The following RNLS variants were observed in gnomAD, a reference collection of about 807,000 sequenced individuals.
The protein encoded by RNLS is renalase, FAD dependent amine oxidase, also known as renalase.
RNLS carries 39 observed loss-of-function variants against 39.8 expected under a neutral mutation model. The ratio of observed to expected loss-of-function variants is 0.98; its 90% confidence interval spans 0.76 to 1.28. The LOEUF (loss-of-function observed/expected upper bound fraction) is 1.28. Ranked by LOEUF, RNLS falls within the 50% of genes most tolerant of loss-of-function variation. The pLI is 0.00. For missense variants in RNLS, 410 were observed against 413.3 expected, an observed-to-expected ratio of 0.99 and a Z score of 0.07; for synonymous variants, 147 against 150.7, an observed-to-expected ratio of 0.98 and a Z score of 0.18.
intron 4 of RNLS, among the ~76,000 whole-genome samples, chr10:88,469,161 A>C (rs767298952): frequency 1.3e-5 from 2 of 152,322 alleles, no homozygotes; most frequent in Non-Finnish European, 1.5e-5. Context: ...ATGTATTGTC[A>C]TCTTTTCACT....
rs1187968038 is a variant in RNLS at position 88,314,511 on chromosome 10, C to T, written c.831G>A (p.Leu277=). 6.2e-7 allele frequency: 1 copy of T among 1,613,960 alleles called. No individual in the cohort carries two copies. The highest frequency in any genetic ancestry group is 8.5e-7 in the Non-Finnish European group (1 of 1,179,866). Residue 277 remains leucine (L), a synonymous_variant, in exon 6 of 7, where the codon TTG becomes TTA. Coordinates refer to ENST00000331772, the MANE Select transcript of RNLS (RefSeq NM_001031709.3). ...GGCATTTGGTAGCAATTGGCTGAGG[C>T]AAACCCGGCAAAATGTTTTCCAGCT... ...FQQLENILPG[L]PQPIATKCQK... is the part of the protein sequence containing the mutation.
intron 6 of RNLS, among the ~76,000 whole-genome samples, chr10:88,289,284 C>A (rs1843505587): frequency 6.6e-6 from 1 of 152,142 alleles, no homozygotes; most frequent in Non-Finnish European, 1.5e-5. Context: ...TAAAATCTCA[C>A]CTCGTGCCAC....
intron 4 of RNLS, among the ~76,000 whole-genome samples, chr10:88,399,237 T>C (rs1564767839): frequency 6.6e-6 from 1 of 151,968 alleles, no homozygotes; most frequent in African/African-American, 2.4e-5. Context: ...AAATTATACA[T>C]AGAGTTACCA....
chr10:88,193,631 C>G, the RNLS span, among the ~76,000 whole-genome samples: 2 of 152,184 alleles, frequency 1.3e-5, no homozygotes. Flanking sequence ...CCCATGCCTA[C>G]CTAGTCTCCC....
intron 4 of RNLS, among the ~76,000 whole-genome samples, chr10:88,418,109 G>A (rs1456840895): frequency 6.7e-6 from 1 of 148,864 alleles, no homozygotes; most frequent in Non-Finnish European, 1.5e-5. Flanking sequence ...AAATTCCTAG[G>A]TGGAGATGTA....
At chr10:88,574,316 C>T (rs530472193) in intron 3 of RNLS, among the ~76,000 whole-genome samples, 10 of 152,200 alleles carry the variant, frequency 6.6e-5, no homozygotes, top group African/African-American at 2.2e-4. Context: ...GAAAAAAGCA[C>T]ACTGAAAGAT....
chr10:88,280,140 T>G (rs1842958080), downstream of RNLS, among the ~76,000 whole-genome samples: 1 of 152,136 alleles, frequency 6.6e-6, no homozygotes, highest in Non-Finnish European at 1.5e-5. Context: ...ACATCATCAT[T>G]GTTATTATTT....
chr10:88,393,705 A>G (rs1393281881), intron 4 of RNLS, among the ~76,000 whole-genome samples: 2 of 152,188 alleles, frequency 1.3e-5, no homozygotes, highest in East Asian at 1.9e-4. Flanking sequence ...TAAAGTTCAT[A>G]TGGAACCAAA....
chr10:88,242,788 AAAT>A, the RNLS span, among the ~76,000 whole-genome samples: 1 of 152,152 alleles, frequency 6.6e-6, no homozygotes, highest in African/African-American at 2.4e-5. Context: ...TCTCTACTAA[AAAT>A]ACAAAATTAG....
chr10:88,412,283 A>G lies in RNLS; in HGVS notation c.527-49558T>C, dbSNP rs185306446. ...GGATCCTATTATTTTACTATGTGCC[A>G]GGTACCAGGCTTTAACTTCATAAAA... On this transcript the variant is annotated intron_variant, in intron 4 of 6. Transcript: ENST00000331772. Among the ~76,000 whole-genome samples, 364 of 152,256 alleles carry G rather than the reference A, an allele frequency of 2.4e-3. 1 individual carries two copies. Among genetic ancestry groups the G allele is most frequent in the Non-Finnish European group, 4.2e-3 (288 of 67,996 alleles).
intron 4 of RNLS, among the ~76,000 whole-genome samples, chr10:88,393,528 C>T (rs1337097171): frequency 1.3e-5 from 2 of 152,132 alleles, no homozygotes; most frequent in Non-Finnish European, 2.9e-5. Flanking sequence ...AACCACTGCT[C>T]AATGAAGTAA....
At chr10:88,294,707 C>T (rs941140410) in intron 6 of RNLS, among the ~76,000 whole-genome samples, 4 of 152,112 alleles carry the variant, frequency 2.6e-5, no homozygotes, top group Non-Finnish European at 5.9e-5. Context: ...GTGTCTTACT[C>T]ATCTTTGTAT....
chr10:88,486,518 A>C (rs1219568975), intron 4 of RNLS, among the ~76,000 whole-genome samples: 1 of 152,124 alleles, frequency 6.6e-6, no homozygotes, highest in African/African-American at 2.4e-5. Flanking sequence ...ACAAATTTAC[A>C]AGAAAAAAAA....
At chr10:88,364,456 G>T (rs1849886501) in intron 4 of RNLS, among the ~76,000 whole-genome samples, 1 of 152,086 alleles carries the variant, frequency 6.6e-6, no homozygotes, top group Admixed American at 6.6e-5. Flanking sequence ...ACATCCCCAG[G>T]AAGGTGAGAT....
chr10:88,219,600 C>G, the RNLS span, among the ~76,000 whole-genome samples: 1 of 152,204 alleles, frequency 6.6e-6, no homozygotes, highest in South Asian at 2.1e-4. Flanking sequence ...CTGCTTCCCT[C>G]CCTTAGTCAT....
intron 4 of RNLS, among the ~76,000 whole-genome samples, chr10:88,401,746 C>CA (rs1233272599): frequency 6.6e-6 from 1 of 151,938 alleles, no homozygotes; most frequent in Non-Finnish European, 1.5e-5. Flanking sequence ...ACTAAGATAG[C>CA]AAAATCAAAG....
chr10:88,548,093 C>G (rs1008382058), intron 4 of RNLS, among the ~76,000 whole-genome samples: 19 of 150,214 alleles, frequency 1.3e-4, no homozygotes, highest in African/African-American at 4.2e-4. Context: ...GAAACCCCAT[C>G]TCTACTAAAA....
intron 3 of RNLS, among the ~76,000 whole-genome samples, chr10:88,578,593 G>C (rs1368884711): frequency 6.6e-6 from 1 of 151,760 alleles, no homozygotes; most frequent in Non-Finnish European, 1.5e-5. Context: ...AATAAACAAA[G>C]AAAAATTTAT....
At chr10:88,568,572 A>C (rs1849650624) in intron 4 of RNLS, among the ~76,000 whole-genome samples, 1 of 152,098 alleles carries the variant, frequency 6.6e-6, no homozygotes, top group African/African-American at 2.4e-5. Flanking sequence ...GGAAGAAGTC[A>C]GGGAAGAGGT....
Sources: allele counts gnomAD v4.1 joint callset (sites outside exome capture counted in the v4.1 genomes callset), GRCh38; gene constraint gnomAD v4.1.1; transcripts MANE v1.5; gene names NCBI Gene and HGNC (gene_info 2026-07-23, HGNC 2026-07-21).